Variants in ORC3 observed in about 807,000 individuals in gnomAD.
The protein encoded by ORC3 is origin recognition complex subunit 3.
A neutral mutation model predicts 100.7 loss-of-function variants in ORC3; 78 were observed. The observed-to-expected ratio is 0.77, with a 90% confidence interval of 0.65 to 0.94. ORC3 has a LOEUF of 0.94. ORC3 is among the 40% of genes least tolerant of loss of function. The pLI is 0.00. For missense variants in ORC3, 789 were observed against 823.9 expected (o/e 0.96, Z 0.52); for synonymous variants, 295 against 289.3 (o/e 1.02, Z -0.20).
intron 11 of ORC3, among the ~76,000 whole-genome samples, chr6:87,628,303 TC>T (rs1344373196): frequency 1.3e-5 from 2 of 152,172 alleles, no homozygotes; most frequent in African/African-American, 4.8e-5. Context: ...AACCTGCACG[TC>T]CTGCACATGT....
At chr6:87,590,554 G>A (rs888384915) in intron 1 of ORC3, among the ~76,000 whole-genome samples, 2 of 152,194 alleles carry the variant, frequency 1.3e-5, no homozygotes, top group African/African-American at 4.8e-5. Flanking sequence ...CTGCAGTCAA[G>A]AAAGTCGGTA....
chr6:87,621,244 C>T (rs1175328252), intron 9 of ORC3, 110 bp from the exon 10 acceptor site: 8 of 640,888 alleles, frequency 1.2e-5, no homozygotes, highest in African/African-American at 3.8e-5. Context: ...TATATTAGTG[C>T]CATAAATACT....
chr6:87,666,339 C>T (rs1457421733), intron 19 of ORC3, among the ~76,000 whole-genome samples: 2 of 151,566 alleles, frequency 1.3e-5, no homozygotes, highest in Admixed American at 6.6e-5. Flanking sequence ...ACCATGTTGG[C>T]CAGGCTGGTC....
At chr6:87,606,578 T>TG (rs2128251058) in intron 5 of ORC3, among the ~76,000 whole-genome samples, 1 of 152,186 alleles carries the variant, frequency 6.6e-6, no homozygotes, top group African/African-American at 2.4e-5. Context: ...TTGCCTAGGC[T>TG]GTACTACAGT....
At chr6:87,662,927 A>G (rs2128295378) in intron 16 of ORC3, 76 bp from the exon 17 acceptor site, 1 of 963,994 alleles carries the variant, frequency 1.0e-6, no homozygotes. Context: ...AGCTTAAAGG[A>G]AAAAATATAT....
At position 87,663,019 on chromosome 6, in the gene ORC3, C is replaced by G. The variant is rs1251020760; in HGVS notation, c.1708C>G (p.Pro570Ala). 6.2e-7 allele frequency: 1 copy of G among 1,606,920 alleles called. No individual in the cohort carries two copies. The highest frequency in any genetic ancestry group is 8.5e-7 in the Non-Finnish European group (1 of 1,175,358). Residue 570 changes from proline (P) to alanine (A), a missense_variant, in exon 17 of 20, where the codon CCT becomes GCT. By Grantham distance (27) the Pro-to-Ala change is conservative (BLOSUM62 -1). Around this residue, in one of 3 missense-constraint regions of ORC3, gnomAD observed 366 missense variants for 394.2 expected, o/e 0.93. Coordinates refer to ENST00000392844, the MANE Select transcript of ORC3 (RefSeq NM_012381.4). ...DCLVREYLLP[P>A]ETQPLHEVVY... The stretch of plus-strand genomic sequence containing the variant: ...CTGTTTCAGAGAATACCTTCTGCCT[C>G]CTGAGACACAGCCTCTCCATGAGGT...
intron 11 of ORC3, among the ~76,000 whole-genome samples, chr6:87,627,488 G>T (rs1346961556): frequency 6.7e-6 from 1 of 150,232 alleles, no homozygotes; most frequent in Non-Finnish European, 1.5e-5. Context: ...TAGAGACGGG[G>T]TTTCACCATG....
chr6:87,659,709 C>A (rs546540788), intron 16 of ORC3, among the ~76,000 whole-genome samples: 1 of 151,992 alleles, frequency 6.6e-6, no homozygotes, highest in African/African-American at 2.4e-5. Context: ...TGGTGAAACC[C>A]CGACTCTACT....
chr6:87,652,115 G>T (rs549192165), intron 13 of ORC3, among the ~76,000 whole-genome samples: 1 of 152,196 alleles, frequency 6.6e-6, no homozygotes, highest in South Asian at 2.1e-4. Flanking sequence ...AGCCAGGATG[G>T]TCTTGATCTC....
At chr6:87,658,047 A>G (rs767028143) in intron 16 of ORC3, 29 bp downstream of exon 16, 1 of 1,188,874 alleles carries the variant, frequency 8.4e-7, no homozygotes, top group Admixed American at 1.7e-5. Flanking sequence ...CTTAAGAGCT[A>G]AAAATCATGC....
chr6:87,674,066 C>T, the ORC3 span, among the ~76,000 whole-genome samples: 1 of 151,932 alleles, frequency 6.6e-6, no homozygotes, highest in Non-Finnish European at 1.5e-5. Context: ...TTTGGAAGGC[C>T]GAGGTGGGCA....
rs577088743 is a variant in ORC3, at chr6:87,665,897, C to G, written c.2030+64C>G. On this transcript the variant is annotated intron_variant, in intron 19 of 19. Coordinates refer to ENST00000392844, the MANE Select transcript of ORC3 (RefSeq NM_012381.4). ...CATAAAATATAAGTTTATAATTTCT[C>G]CAGGTCTACACTAGATATTTATAAA... 5 of 977,996 alleles carry G rather than the reference C, an allele frequency of 5.1e-6. No individual in the cohort carries two copies. In the African/African-American group the frequency reaches 8.1e-5, roughly 16 times the overall value. The allele number at this position is 977,996 out of a possible 1,614,324, so 60.6% of individuals were successfully genotyped here.
At chr6:87,615,136 A>G (rs1169030842) in intron 8 of ORC3, among the ~76,000 whole-genome samples, 1 of 152,182 alleles carries the variant, frequency 6.6e-6, no homozygotes, top group Admixed American at 6.5e-5. Context: ...AACAAATCAC[A>G]TCTTACATGG....
In ORC3 at chr6:87,653,179, T is replaced by C. The variant is rs1769410718; in HGVS notation, c.1446T>C (p.Tyr482=). 33 of 1,613,708 alleles carry C rather than the reference T, an allele frequency of 2.0e-5. No homozygotes were observed. The highest frequency in any genetic ancestry group is 3.3e-5 in the South Asian group (3 of 91,062). ...AATGTTTCAAGGTTTTTAAGTCTTA[T>C]TGTGAAAACCACCTTGGCAGCACAG... ...LEKCFKVFKS[Y]CENHLGSTAK... is the part of the protein sequence containing the mutation. Residue 482 remains tyrosine, a synonymous_variant, in exon 14 of 20, where the codon TAT becomes TAC. Coordinates refer to ENST00000392844, the MANE Select transcript of ORC3 (RefSeq NM_012381.4).
intron 11 of ORC3, among the ~76,000 whole-genome samples, chr6:87,628,770 G>A (rs541882289): frequency 6.6e-6 from 1 of 152,282 alleles, no homozygotes; most frequent in African/African-American, 2.4e-5. Flanking sequence ...TGAGTTTGAT[G>A]AAGACCTGCC....
chr6:87,671,408 A>G (rs1770829027), downstream of ORC3, among the ~76,000 whole-genome samples: 1 of 152,052 alleles, frequency 6.6e-6, no homozygotes, highest in Non-Finnish European at 1.5e-5. Flanking sequence ...GTGATTGAGG[A>G]TGACTGAGAG....
At chr6:87,666,171 G>A (rs1337403138) in intron 19 of ORC3, among the ~76,000 whole-genome samples, 9 of 151,920 alleles carry the variant, frequency 5.9e-5, no homozygotes, top group South Asian at 2.1e-4. Context: ...CTCGTCTATC[G>A]CCCAAGCTGG....
chr6:87,619,446 G>A (rs532554543), intron 9 of ORC3, among the ~76,000 whole-genome samples: 2 of 152,050 alleles, frequency 1.3e-5, no homozygotes, highest in East Asian at 1.9e-4. Flanking sequence ...TCGCTCTGTC[G>A]CCCAGGCTGG....
At chr6:87,616,171 G>T in intron 8 of ORC3, 143 bp from the exon 9 acceptor site, 1 of 413,442 alleles carries the variant, frequency 2.4e-6, no homozygotes. Context: ...GTTGACATTT[G>T]AGCTTAAAAA....
Sources: gnomAD v4.1 joint callset for allele counts (sites outside exome capture counted in the v4.1 genomes callset) on GRCh38, gnomAD v4.1.1 for gene constraint, gnomAD v4.1.1 regional missense constraint, MANE v1.5 for transcripts, NCBI Gene and HGNC (gene_info 2026-07-23, HGNC 2026-07-21) for gene names.